Variants in L3MBTL4 observed in about 807,000 individuals in gnomAD.
L3MBTL4 encodes the protein L3MBTL histone methyl-lysine binding protein 4, also known as lethal(3)malignant brain tumor-like protein 4.
L3MBTL4 carries 70 observed loss-of-function variants against 84.5 expected under a neutral mutation model. The observed-to-expected ratio is 0.83, with a 90% CI of 0.68 to 1.01. The LOEUF is 1.01. Ranked by LOEUF, L3MBTL4 falls within the 50% of genes least tolerant of loss-of-function variation. L3MBTL4 has a pLI of 0.00. For missense variants in L3MBTL4, 715 were observed against 754.8 expected (o/e 0.95, Z 0.62); for synonymous variants, 274 against 259.8 (o/e 1.05, Z -0.52).
intron 16 of L3MBTL4, among the ~76,000 whole-genome samples, chr18:6,023,904 G>A (rs1459666998): frequency 6.6e-6 from 1 of 152,200 alleles, no homozygotes; most frequent in Admixed American, 6.5e-5. Context: ...GCAACAAAAT[G>A]CCTGTGCGAA....
At chr18:5,987,001 G>T (rs769421371) in intron 16 of L3MBTL4, among the ~76,000 whole-genome samples, 1 of 152,204 alleles carries the variant, frequency 6.6e-6, no homozygotes, top group Admixed American at 6.5e-5. Context: ...AAATGAAAAA[G>T]CAAGCAGGTC....
chr18:6,334,451 T>C (rs558752505), intron 1 of L3MBTL4, among the ~76,000 whole-genome samples: 1 of 152,304 alleles, frequency 6.6e-6, no homozygotes, highest in East Asian at 1.9e-4. Context: ...TGACAAAGTT[T>C]TTTTAAAAAA....
chr18:6,137,146 C>T (rs527813062), intron 14 of L3MBTL4, among the ~76,000 whole-genome samples: 1 of 152,226 alleles, frequency 6.6e-6, no homozygotes, highest in Non-Finnish European at 1.5e-5. Context: ...TCCTTACAGA[C>T]TTGACACTGC....
At chr18:6,326,964 G>A (rs543791205) in intron 1 of L3MBTL4, among the ~76,000 whole-genome samples, 3 of 152,148 alleles carry the variant, frequency 2.0e-5, no homozygotes, top group South Asian at 4.2e-4. Context: ...ATGCACAGGG[G>A]AAAATAACTG....
intron 16 of L3MBTL4, among the ~76,000 whole-genome samples, chr18:6,080,516 T>C (rs1046506874): frequency 1.3e-5 from 2 of 152,216 alleles, no homozygotes; most frequent in Non-Finnish European, 2.9e-5. Context: ...TCTCACAGTC[T>C]CCCACCTTCA....
intron 1 of L3MBTL4, among the ~76,000 whole-genome samples, chr18:6,318,892 T>C (rs957990910): frequency 6.6e-6 from 1 of 152,036 alleles, no homozygotes; most frequent in Non-Finnish European, 1.5e-5. Context: ...ACAAAACAAG[T>C]CTTGATACAT....
At chr18:6,176,462 C>A (rs945518185) in intron 12 of L3MBTL4, among the ~76,000 whole-genome samples, 2 of 152,016 alleles carry the variant, frequency 1.3e-5, no homozygotes, top group African/African-American at 2.4e-5. Context: ...AAAGTACAGT[C>A]TTTTCAACAA....
intron 5 of L3MBTL4, chr18:6,259,688 A>T: frequency 6.6e-6 from 1 of 150,762 alleles, no homozygotes; most frequent in South Asian, 2.1e-4. Context: ...GATATATTAG[A>T]TCTTTGTCAT....
chr18:6,167,291 A>C (rs994614816), intron 13 of L3MBTL4, among the ~76,000 whole-genome samples: 4 of 152,212 alleles, frequency 2.6e-5, no homozygotes, highest in Admixed American at 2.0e-4. Context: ...TATTCCAATC[A>C]ATAGAAAAAG....
intron 1 of L3MBTL4, among the ~76,000 whole-genome samples, chr18:6,324,464 C>A (rs770932164): frequency 6.6e-6 from 1 of 152,238 alleles, no homozygotes; most frequent in Non-Finnish European, 1.5e-5. Context: ...CTTGCAAAGT[C>A]ATAGGAGCTG....
At chr18:6,271,681 C>T (rs1357628783) in intron 4 of L3MBTL4, among the ~76,000 whole-genome samples, 1 of 152,176 alleles carries the variant, frequency 6.6e-6, no homozygotes, top group Non-Finnish European at 1.5e-5. Flanking sequence ...ATGGGGATGA[C>T]ACCGAGGAAG....
intron 14 of L3MBTL4, among the ~76,000 whole-genome samples, chr18:6,105,963 T>A (rs576446577): frequency 3.9e-5 from 6 of 152,074 alleles, no homozygotes; most frequent in Non-Finnish European, 8.8e-5. Context: ...CAACAACAGG[T>A]CATAGTGCCA....
chr18:6,181,252 T>C (rs2044459092), intron 12 of L3MBTL4, among the ~76,000 whole-genome samples: 1 of 152,124 alleles, frequency 6.6e-6, no homozygotes, highest in African/African-American at 2.4e-5. Context: ...CAATTACATG[T>C]CACAGGGGTT....
intron 1 of L3MBTL4, among the ~76,000 whole-genome samples, chr18:6,360,218 A>T (rs1054479790): frequency 1.9e-4 from 29 of 152,144 alleles, no homozygotes; most frequent in Admixed American, 1.3e-3. Context: ...AAAAAAATAC[A>T]AAATTTAGCG....
intron 16 of L3MBTL4, among the ~76,000 whole-genome samples, chr18:6,043,630 C>T (rs931667543): frequency 2.2e-4 from 33 of 152,286 alleles, no homozygotes; most frequent in Admixed American, 1.3e-3. Flanking sequence ...TCTTTCAATA[C>T]GGTCAATCGA....
chr18:6,394,784 C>T (rs2055203526), intron 1 of L3MBTL4: 1 of 152,016 alleles, frequency 6.6e-6, no homozygotes, highest in South Asian at 2.1e-4. Flanking sequence ...AGAGATCCCA[C>T]CTCACCACCA....
chr18:5,992,809 G>A lies in L3MBTL4; in HGVS notation c.1445-23247C>T, dbSNP rs544691526. Among the ~76,000 whole-genome samples the A allele has an allele frequency of 1.1e-4, 16 of 152,298 alleles. No homozygotes were observed. In the East Asian group the frequency reaches 2.9e-3, roughly 28 times the overall value. ...GTAAAAGCTCCCTGAGGCCTCCCCA[G>A]AAGCCACGCAGGTGCCGTCGCCATG... On this transcript the variant is annotated intron_variant, in intron 16 of 18. Transcript: ENST00000317931.
chr18:6,377,099 C>A lies in L3MBTL4; in HGVS notation c.-91+37702G>T, dbSNP rs566820701. Among the ~76,000 whole-genome samples the A allele has an allele frequency of 4.6e-5, 7 of 152,240 alleles. No homozygotes were observed. In the South Asian group the frequency reaches 1.4e-3, roughly 32 times the overall value. On this transcript the variant is annotated intron_variant, in intron 1 of 18. Coordinates refer to ENST00000317931, the MANE Select transcript of L3MBTL4 (RefSeq NM_001330559.2). ...GTGGATTTCTCTGATCCTCACCTGG[C>A]CCCCTGTCTCAAGGGTCACAAACCT...
At chr18:6,193,701 CTG>C (rs1219251891) in intron 12 of L3MBTL4, among the ~76,000 whole-genome samples, 2 of 152,122 alleles carry the variant, frequency 1.3e-5, no homozygotes, top group East Asian at 3.9e-4. Flanking sequence ...TGGTGCCAGG[CTG>C]TGAGTTTGAT....
Sources: gnomAD v4.1 joint callset for allele counts (sites outside exome capture counted in the v4.1 genomes callset) on GRCh38, gnomAD v4.1.1 for gene constraint, MANE v1.5 for transcripts, NCBI Gene and HGNC (gene_info 2026-07-23, HGNC 2026-07-21) for gene names.